Variants in TAF12 observed in about 807,000 individuals in gnomAD.
TAF12 encodes transcription initiation factor TFIID subunit 12.
A neutral mutation model predicts 20.8 loss-of-function variants in TAF12; 3 were observed. The ratio of observed to expected loss-of-function variants is 0.14; its 90% CI spans 0.07 to 0.37. The LOEUF (loss-of-function observed/expected upper bound fraction) is 0.37, where lower values mean the gene tolerates loss of function less well. Among genes scored for constraint, TAF12 ranks in the 10% least tolerant of loss-of-function variants. The pLI is 1.00. For synonymous variants in TAF12, 69 were observed against 70.2 expected (o/e 0.98, Z 0.09); for missense variants, 131 against 197.9 (o/e 0.66, Z 2.03).
intron 1 of TAF12, among the ~76,000 whole-genome samples, chr1:28,636,353 T>C (rs1171184307): frequency 6.7e-6 from 1 of 149,968 alleles, no homozygotes; most frequent in African/African-American, 2.5e-5. Context: ...AAAGGTAGTA[T>C]AGTGTATAGT....
chr1:28,619,024 G>A (rs1295412053), intron 2 of TAF12, among the ~76,000 whole-genome samples: 1 of 151,902 alleles, frequency 6.6e-6, no homozygotes, highest in African/African-American at 2.4e-5. Context: ...CTCCAGCCTG[G>A]GGAACACAGG....
intron 3 of TAF12, among the ~76,000 whole-genome samples, chr1:28,614,043 T>G (rs1427959294): frequency 6.6e-6 from 1 of 151,412 alleles, no homozygotes; most frequent in Admixed American, 6.6e-5. Context: ...ATTGAGACCA[T>G]CCTGGCCAAC....
chr1:28,613,216 C>G, intron 4 of TAF12, 31 bp downstream of exon 4: 1 of 1,560,884 alleles, frequency 6.4e-7, no homozygotes, highest in African/African-American at 1.3e-5. Flanking sequence ...GCAGTTGAAT[C>G]CATACTTCAG....
chr1:28,622,085 C>T lies in TAF12; in HGVS notation c.-4G>A. The T allele has an allele frequency of 6.2e-7, 1 of 1,610,606 alleles. No homozygotes were observed. The highest frequency in any genetic ancestry group is 1.7e-5 in the Admixed American group (1 of 58,898). ...CTGAGGGGCCAAACTGGTTCATAAT[C>T]TGCCGAGCTTTGGACTTCAGCTCAT... is the stretch of plus-strand genomic sequence containing the variant. On this transcript the variant is annotated 5_prime_UTR_variant, in exon 2 of 6. Coordinates refer to ENST00000373824, the MANE Select transcript of TAF12 (RefSeq NM_005644.4).
chr1:28,633,790 T>C (rs569430339), intron 1 of TAF12, among the ~76,000 whole-genome samples: 1 of 151,758 alleles, frequency 6.6e-6, no homozygotes, highest in Admixed American at 6.6e-5. Context: ...TGCATGCCTG[T>C]AATCCCAGCT....
At position 28,627,669 on chromosome 1, in the gene TAF12, A is replaced by AG. The variant is rs1409331175; in HGVS notation, c.-84-5505_-84-5504insC. Among the ~76,000 whole-genome samples the AG allele has an allele frequency of 2.7e-4, 26 of 97,178 alleles. No homozygotes were observed. The South Asian group carries it at 4.9e-3, about 18-fold the overall frequency. 63.8% of individuals were successfully genotyped at this position (97,178 alleles called of 152,430 possible). ...GATCGCGCCACTGCACTCCCTCAAA[A>AG]AAAAAAAAAAAAAAAAAACTAAAAA... is the stretch of plus-strand genomic sequence containing the variant. On this transcript the variant is annotated intron_variant, in intron 1 of 5. Coordinates refer to ENST00000373824, the MANE Select transcript of TAF12 (RefSeq NM_005644.4).
intron 4 of TAF12, among the ~76,000 whole-genome samples, chr1:28,609,274 CCA>C (rs1666776443): frequency 6.6e-6 from 1 of 151,794 alleles, no homozygotes; most frequent in Non-Finnish European, 1.5e-5. Context: ...CAGGGTTTCT[CCA>C]CGTTGGTCAG....
rs576545716 is a variant in TAF12, at chr1:28,634,939, T to C, written c.-85+8053A>G. On this transcript the variant is annotated intron_variant, in intron 1 of 5. Transcript: ENST00000373824. Reference sequence around the variant, plus strand: ...AGCAAAACTCCATCTAAAAAATAAATAAGTAGGCCAGGCATGGTGGCTCAT... The same window carrying C: ...AGCAAAACTCCATCTAAAAAATAAACAAGTAGGCCAGGCATGGTGGCTCAT... Among the ~76,000 whole-genome samples, 3 of 122,816 alleles carry C rather than the reference T, an allele frequency of 2.4e-5. No individual in the cohort carries two copies. In the South Asian group the frequency reaches 7.6e-4, roughly 31 times the overall value. 80.6% of individuals were successfully genotyped at this position (122,816 alleles called of 152,430 possible). A position where few individuals can be genotyped will look rare whatever the true frequency, so the allele number is the denominator to read the frequency against.
chr1:28,606,121 C>A (rs1409648901), intron 4 of TAF12, among the ~76,000 whole-genome samples: 1 of 152,126 alleles, frequency 6.6e-6, no homozygotes, highest in African/African-American at 2.4e-5. Flanking sequence ...GCCTCAGACT[C>A]CCGAGTAGCT....
chr1:28,610,731 C>T lies in TAF12; in HGVS notation c.361+2516G>A, dbSNP rs562543124. 8.6e-5 allele frequency among the ~76,000 whole-genome samples: 13 copies of T among 151,932 alleles called. No individual in the cohort carries two copies. The South Asian group carries it at 2.3e-3, about 27-fold the overall frequency. ...AATCTCAGCACTTAGGGAGGCTGAG[C>T]GGGGAGGATCAGGCGGTCAGGAGTT... On this transcript the variant is annotated intron_variant, in intron 4 of 5. Coordinates refer to ENST00000373824, the MANE Select transcript of TAF12 (RefSeq NM_005644.4).
intron 1 of TAF12, among the ~76,000 whole-genome samples, chr1:28,638,750 T>G (rs917616355): frequency 6.6e-6 from 1 of 151,034 alleles, no homozygotes; most frequent in African/African-American, 2.4e-5. Flanking sequence ...CCTCCCAAAG[T>G]GCTAGGATTA....
Position 28,608,432 on chromosome 1 carries a change from GTAGA to G in TAF12, c.362-2976_362-2973del, listed in dbSNP as rs1179548785. ...AATTGAACTTTACAGTCAACAAAAAGTAGATAAAGTGTGCAAAGTCACTTTAAAG... is the reference window on the plus strand; with the variant it reads ...AATTGAACTTTACAGTCAACAAAAAGTAAAGTGTGCAAAGTCACTTTAAAG... On this transcript the variant is annotated intron_variant, in intron 4 of 5. Transcript: ENST00000373824. Among the ~76,000 whole-genome samples the G allele has an allele frequency of 2.6e-5, 4 of 152,098 alleles. No homozygotes were observed. In the East Asian group the frequency reaches 7.7e-4, roughly 29 times the overall value.
At chr1:28,605,559 C>T in intron 4 of TAF12, 99 bp from the exon 5 acceptor site, 1 of 1,072,780 alleles carries the variant, frequency 9.3e-7, no homozygotes. Context: ...ATGTGGGCAT[C>T]TGGCTACTAA....
chr1:28,623,487 A>AAAATAAATAAATAAAT (rs35847599), intron 1 of TAF12, among the ~76,000 whole-genome samples: 7 of 149,628 alleles, frequency 4.7e-5, no homozygotes, highest in African/African-American at 1.7e-4. Flanking sequence ...AATAATAATA[A>AAAATAAATAAATAAAT]AAATAAATAA....
At chr1:28,646,670 C>T (rs1397319964), upstream of TAF12, among the ~76,000 whole-genome samples, 4 of 151,044 alleles carry the variant, frequency 2.6e-5, no homozygotes, top group Non-Finnish European at 5.9e-5. Context: ...GCTAGGATTA[C>T]AGGCACCTGC....
intron 1 of TAF12, among the ~76,000 whole-genome samples, chr1:28,626,276 C>A (rs1402829346): frequency 6.6e-6 from 1 of 151,930 alleles, no homozygotes; most frequent in East Asian, 2.0e-4. Flanking sequence ...CCGCGCCCGG[C>A]CTCAGCCTAA....
Position 28,612,438 on chromosome 1 carries a change from C to A in TAF12, c.361+809G>T, listed in dbSNP as rs556877602. Among the ~76,000 whole-genome samples the A allele has an allele frequency of 6.5e-4, 89 of 137,672 alleles. 4 individuals carry two copies. The South Asian group carries it at 0.01, about 16-fold the overall frequency. 90.3% of individuals were successfully genotyped at this position (137,672 alleles called of 152,430 possible). On this transcript the variant is annotated intron_variant, in intron 4 of 5. Transcript: ENST00000373824. ...AACCTGGGTGACAGTGAGACTCGAT[C>A]AAAAAAATATATATATATATATTTA... is the stretch of plus-strand genomic sequence containing the variant.
At chr1:28,622,221 T>A (rs1667242923) in intron 1 of TAF12, 56 bp from the exon 2 acceptor site, 7 of 1,406,580 alleles carry the variant, frequency 5.0e-6, no homozygotes, top group Non-Finnish European at 4.6e-6. Context: ...AAAGGATGAA[T>A]CTTGAGAGTA....
chr1:28,606,474 T>TA lies in TAF12; in HGVS notation c.362-1015dup, dbSNP rs1666671258. On this transcript the variant is annotated intron_variant, in intron 4 of 5. Coordinates refer to ENST00000373824, the MANE Select transcript of TAF12 (RefSeq NM_005644.4). ...ATTTTTTGTAGAGAGGGGGTCTTGT[T>TA]ATGTTGAACTTTTGGGCTCAAGCAC... Among the ~76,000 whole-genome samples, 4 of 151,450 alleles carry TA rather than the reference T, an allele frequency of 2.6e-5. 1 individual carries two copies. The South Asian group carries it at 8.3e-4, about 32-fold the overall frequency.
Sources: gnomAD v4.1 joint callset for allele counts (sites outside exome capture counted in the v4.1 genomes callset) on GRCh38, gnomAD v4.1.1 for gene constraint, MANE v1.5 for transcripts, NCBI Gene and HGNC (gene_info 2026-07-23, HGNC 2026-07-21) for gene names.